The following PDE1A variants were observed in gnomAD, a reference collection of about 807,000 sequenced individuals.
PDE1A encodes phosphodiesterase 1A, also known as dual specificity calcium/calmodulin-dependent 3',5'-cyclic nucleotide phosphodiesterase 1A.
In PDE1A, 35 loss-of-function variants were observed where a neutral mutation model predicts 61.7. The observed-to-expected ratio is 0.57, with a 90% CI of 0.43 to 0.75. The LOEUF is 0.75. Ranked by LOEUF, PDE1A falls within the 30% of genes least tolerant of loss-of-function variation. The pLI is 0.00. For missense variants in PDE1A, 597 were observed against 630.6 expected (o/e 0.95, Z 0.57); for synonymous variants, 232 against 213.2 (o/e 1.09, Z -0.77).
intron 1 of PDE1A, among the ~76,000 whole-genome samples, chr2:182,296,650 TA>T (rs1235137056): frequency 6.6e-6 from 1 of 152,226 alleles, no homozygotes; most frequent in African/African-American, 2.4e-5. Context: ...TTGGAGGCTC[TA>T]AAATCTATCC....
chr2:182,459,251 C>A (rs912148621), intron 2 of PDE1A, among the ~76,000 whole-genome samples: 2 of 152,020 alleles, frequency 1.3e-5, no homozygotes, highest in Non-Finnish European at 2.9e-5. Flanking sequence ...ATACAAAGCA[C>A]TAAATGCTTA....
At chr2:182,285,676 A>C (rs1694110089) in intron 1 of PDE1A, among the ~76,000 whole-genome samples, 4 of 152,136 alleles carry the variant, frequency 2.6e-5, no homozygotes, top group Admixed American at 2.6e-4. Flanking sequence ...TAAATGCAGC[A>C]GCTTGGCTTG....
At chr2:182,269,203 G>T (rs1692838989) in intron 1 of PDE1A, among the ~76,000 whole-genome samples, 1 of 152,032 alleles carries the variant, frequency 6.6e-6, no homozygotes, top group Admixed American at 6.6e-5. Flanking sequence ...AAAACCCTTT[G>T]CATAAGAAAA....
chr2:182,358,971 TTTCCTTCCTTCC>T (rs199552273), intron 1 of PDE1A, among the ~76,000 whole-genome samples: 1 of 151,686 alleles, frequency 6.6e-6, no homozygotes, highest in South Asian at 2.1e-4. Flanking sequence ...CCTTCCTTCC[TTTCCTTCCTTCC>T]TTCCTTCCTT....
intron 7 of PDE1A, among the ~76,000 whole-genome samples, chr2:182,220,484 A>ATGAT (rs1559209828): frequency 6.6e-6 from 1 of 152,134 alleles, no homozygotes; most frequent in African/African-American, 2.4e-5. Flanking sequence ...CAAAGTATGC[A>ATGAT]TGATTTTGTC....
rs529064664 is a variant in PDE1A, at chr2:182,364,404, C to A, written c.53+62174G>T. Among the ~76,000 whole-genome samples, 254 of 123,200 alleles carry A rather than the reference C, an allele frequency of 2.1e-3. 1 individual carries two copies. Among genetic ancestry groups the A allele is most frequent in the African/African-American group, 7.6e-3 (248 of 32,638 alleles). 80.8% of individuals were successfully genotyped at this position (123,200 alleles called of 152,430 possible). A position where few individuals can be genotyped will look rare whatever the true frequency, so the allele number is the denominator to read the frequency against. ...GCCTCTCAGTAATCTTAAACTCTATCAATTTTAGTTTAATTTAATATTGCT... is the reference window on the plus strand; with the variant it reads ...GCCTCTCAGTAATCTTAAACTCTATAAATTTTAGTTTAATTTAATATTGCT... On this transcript the variant is annotated intron_variant, in intron 1 of 13. Transcript: ENST00000351439.
intron 2 of PDE1A, among the ~76,000 whole-genome samples, chr2:182,504,335 GATACAACC>G (rs1213866988): frequency 6.6e-6 from 1 of 152,170 alleles, no homozygotes; most frequent in Non-Finnish European, 1.5e-5. Context: ...AATACTGGTA[GATACAACC>G]AAATTATCTA....
chr2:182,351,117 G>T (rs751333547), intron 1 of PDE1A, among the ~76,000 whole-genome samples: 4 of 152,152 alleles, frequency 2.6e-5, no homozygotes, highest in Non-Finnish European at 4.4e-5. Context: ...AAATGCTTTT[G>T]ATATAAGCAG....
chr2:182,283,306 C>CA (rs1693939267), intron 1 of PDE1A, among the ~76,000 whole-genome samples: 1 of 151,672 alleles, frequency 6.6e-6, no homozygotes, highest in Non-Finnish European at 1.5e-5. Context: ...CAAATCTTTC[C>CA]AAAAATAATA....
At chr2:182,672,134 T>C in the PDE1A span, among the ~76,000 whole-genome samples, 1 of 152,256 alleles carries the variant, frequency 6.6e-6, no homozygotes, top group Admixed American at 6.5e-5. Flanking sequence ...CTTCAGTGAC[T>C]ATGCTGAGGA....
intron 1 of PDE1A, among the ~76,000 whole-genome samples, chr2:182,315,743 G>A (rs2125968591): frequency 6.6e-6 from 1 of 152,278 alleles, no homozygotes; most frequent in Admixed American, 6.5e-5. Flanking sequence ...TTTAGTGCCT[G>A]CCCAGACTCC....
At chr2:182,710,546 C>A in the PDE1A span, among the ~76,000 whole-genome samples, 1 of 152,240 alleles carries the variant, frequency 6.6e-6, no homozygotes, top group Non-Finnish European at 1.5e-5. Context: ...CACTGTTCTC[C>A]TCTCTGCTTC....
chr2:182,364,495 A>AAAAAAAAAAAAAAAAAAAAT (rs1699723548), intron 1 of PDE1A, among the ~76,000 whole-genome samples: 1 of 145,304 alleles, frequency 6.9e-6, no homozygotes, highest in Non-Finnish European at 1.5e-5. Context: ...AAAAAAAAAA[A>AAAAAAAAAAAAAAAAAAAAT]AAAACCTTAT....
At chr2:182,176,279 A>G (rs1158409003) in intron 13 of PDE1A, among the ~76,000 whole-genome samples, 6 of 149,122 alleles carry the variant, frequency 4.0e-5, no homozygotes, top group African/African-American at 7.7e-5. Flanking sequence ...CTTGGGCAGT[A>G]TGGCCATTTT....
chr2:182,292,569 A>C (rs1694607334), intron 1 of PDE1A, among the ~76,000 whole-genome samples: 2 of 152,022 alleles, frequency 1.3e-5, no homozygotes, highest in Admixed American at 1.3e-4. Flanking sequence ...CTTGTAGTAC[A>C]CTCAGAATCT....
chr2:182,704,796 C>G, the PDE1A span, among the ~76,000 whole-genome samples: 1 of 152,154 alleles, frequency 6.6e-6, no homozygotes, highest in Admixed American at 6.5e-5. Flanking sequence ...ATCACATAGT[C>G]TGTGGAAAAC....
At chr2:182,680,124 A>T in the PDE1A span, among the ~76,000 whole-genome samples, 1 of 152,220 alleles carries the variant, frequency 6.6e-6, no homozygotes, top group Non-Finnish European at 1.5e-5. Context: ...AGTGGCAAAT[A>T]ACCATTCTTA....
the PDE1A span, among the ~76,000 whole-genome samples, chr2:182,660,397 C>A: frequency 7.8e-4 from 119 of 152,174 alleles, no homozygotes; most frequent in Non-Finnish European, 1.3e-3. Context: ...GATCCCATTG[C>A]CCCTCATCCT....
chr2:182,239,328 C>T (rs1354912370), intron 3 of PDE1A, among the ~76,000 whole-genome samples: 1 of 152,124 alleles, frequency 6.6e-6, no homozygotes, highest in Admixed American at 6.5e-5. Flanking sequence ...AATAATCATT[C>T]CACATATAAT....
Sources: gnomAD v4.1 joint callset for allele counts (sites outside exome capture counted in the v4.1 genomes callset) on GRCh38, gnomAD v4.1.1 for gene constraint, MANE v1.5 for transcripts, NCBI Gene and HGNC (gene_info 2026-07-23, HGNC 2026-07-21) for gene names.